Variants in ADARB1 observed in about 807,000 individuals in gnomAD.
ADARB1 encodes double-stranded RNA-specific editase 1.
Under a neutral mutation model 52.4 loss-of-function variants are expected in ADARB1, and 10 were observed. The observed-to-expected ratio is 0.19, with a 90% CI of 0.12 to 0.32. The LOEUF (loss-of-function observed/expected upper bound fraction) is 0.32. Ranked by LOEUF, ADARB1 falls within the 10% of genes least tolerant of loss-of-function variation. ADARB1 has a pLI of 1.00. For synonymous variants in ADARB1, 349 were observed against 371.1 expected, an observed-to-expected ratio of 0.94 and a Z score of 0.68; for missense variants, 643 against 922.3, an observed-to-expected ratio of 0.70 and a Z score of 3.92.
intron 1 of ADARB1, among the ~76,000 whole-genome samples, chr21:45,081,039 A>G (rs1202205258): frequency 1.3e-5 from 2 of 151,948 alleles, no homozygotes; most frequent in Admixed American, 1.3e-4. Context: ...TAGTTCAGCC[A>G]ATGCGATGAA....
chr21:45,095,505 A>G (rs371291463), intron 1 of ADARB1, among the ~76,000 whole-genome samples: 57 of 152,216 alleles, frequency 3.7e-4, no homozygotes, highest in African/African-American at 1.3e-3. Context: ...ATTGTCGTCC[A>G]CGTTTCCCGA....
intron 1 of ADARB1, among the ~76,000 whole-genome samples, chr21:45,099,538 C>A (rs898163160): frequency 1.3e-5 from 2 of 151,988 alleles, no homozygotes; most frequent in African/African-American, 4.8e-5. Flanking sequence ...TGTGGTGGCG[C>A]ACACCTGTGA....
At chr21:45,170,042 C>T (rs576377567) in intron 2 of ADARB1, among the ~76,000 whole-genome samples, 58 of 152,326 alleles carry the variant, frequency 3.8e-4, no homozygotes, top group African/African-American at 1.3e-3. Flanking sequence ...TTTATCGGTC[C>T]TTCCATAATG....
intron 2 of ADARB1, among the ~76,000 whole-genome samples, chr21:45,151,244 CTGAGG>C (rs1274717308): frequency 1.3e-5 from 2 of 152,192 alleles, no homozygotes; most frequent in African/African-American, 4.8e-5. Flanking sequence ...CAGATAGATG[CTGAGG>C]CAATAGAAAA....
rs928052253 is a variant in ADARB1, at chr21:45,204,262, T to C, written c.1566-293T>C. Reference sequence around the variant, plus strand: ...GGACCTGCTATAATTAAATATGTAATTTCCTTTCTGATATTTCCCACAGAT... The same window carrying C: ...GGACCTGCTATAATTAAATATGTAACTTCCTTTCTGATATTTCCCACAGAT... On this transcript the variant is annotated intron_variant, in intron 8 of 10. Transcript: ENST00000348831. The surrounding 1 kb of genome is among the most constrained non-coding windows in gnomAD (Gnocchi z 4.4). Among the ~76,000 whole-genome samples, 2 of 152,242 alleles carry C rather than the reference T, an allele frequency of 1.3e-5. No homozygotes were observed. Among genetic ancestry groups the C allele is most frequent in the African/African-American group, 2.4e-5 (1 of 41,464 alleles).
At chr21:45,212,080 T>C (rs2092780296) in intron 9 of ADARB1, among the ~76,000 whole-genome samples, 1 of 152,228 alleles carries the variant, frequency 6.6e-6, no homozygotes, top group Non-Finnish European at 1.5e-5. Flanking sequence ...CATTTAGTTT[T>C]AGTGAAAAAT....
intron 8 of ADARB1, among the ~76,000 whole-genome samples, chr21:45,190,753 T>G (rs2092259212): frequency 6.6e-6 from 1 of 152,200 alleles, no homozygotes; most frequent in Admixed American, 6.5e-5. Flanking sequence ...GGCACCAGTC[T>G]CATCACCGAG....
intron 1 of ADARB1, among the ~76,000 whole-genome samples, chr21:45,109,149 G>C (rs762941662): frequency 2.0e-5 from 3 of 151,298 alleles, no homozygotes; most frequent in African/African-American, 7.3e-5. Context: ...GTGTGTGTGC[G>C]CGCGTGTGCG....
chr21:45,136,422 A>G (rs948955720), intron 2 of ADARB1, among the ~76,000 whole-genome samples: 19 of 152,228 alleles, frequency 1.2e-4, no homozygotes, highest in Non-Finnish European at 2.5e-4. Context: ...TAGGGAAAAT[A>G]ACGTCAAGTG....
At position 45,222,177 on chromosome 21, in the gene ADARB1, C is replaced by G; in HGVS notation, c.2086C>G (p.Gln696Glu). Residue 696 changes from glutamine (Q) to glutamate (E), a missense_variant, in exon 11 of 11, where the codon CAG (glutamine) becomes GAG (glutamate). Gln to Glu is a conservative substitution (Grantham distance 29). Coordinates refer to ENST00000348831, the MANE Select transcript of ADARB1 (RefSeq NM_001112.4). ...AWVEKPTEQD[Q>E]FSLTP ...GGTGGAGAAGCCCACCGAGCAGGAC[C>G]AGTTCTCACTCACGCCCTGACCCGG... 6.3e-7 allele frequency: 1 copy of G among 1,593,690 alleles called. No homozygotes were observed. The highest frequency in any genetic ancestry group is 8.5e-7 in the Non-Finnish European group (1 of 1,171,388).
Position 45,220,688 on chromosome 21 carries a change from C to A in ADARB1, c.1748-148C>A. Reference sequence around the variant, plus strand: ...AGGCCACTGCCACGGCAGATGCACGCTCAAGTCTGCGTATATTCCTCGGCA... The same window carrying A: ...AGGCCACTGCCACGGCAGATGCACGATCAAGTCTGCGTATATTCCTCGGCA... On this transcript the variant is annotated intron_variant, in intron 9 of 10. Transcript: ENST00000348831. The surrounding 1 kb of genome is among the most constrained non-coding windows in gnomAD (Gnocchi z 6.3). 1.2e-6 allele frequency: 1 copy of A among 810,740 alleles called. No homozygotes were observed. Among genetic ancestry groups the A allele is most frequent in the Non-Finnish European group, 1.9e-6 (1 of 516,018 alleles). 50.2% of individuals were successfully genotyped at this position (810,740 alleles called of 1,614,324 possible). A position where few individuals can be genotyped will look rare whatever the true frequency, so the allele number is the denominator to read the frequency against.
intron 1 of ADARB1, among the ~76,000 whole-genome samples, chr21:45,076,686 C>CT (rs2085949797): frequency 6.6e-6 from 1 of 152,170 alleles, no homozygotes; most frequent in South Asian, 2.1e-4. Context: ...GGCTCAGAGG[C>CT]TAATTTCACT....
chr21:45,163,833 C>T (rs1008706563), intron 2 of ADARB1, among the ~76,000 whole-genome samples: 4 of 152,206 alleles, frequency 2.6e-5, no homozygotes, highest in African/African-American at 7.2e-5. Flanking sequence ...TGTGCTCTGC[C>T]ACGCTTGTCC....
In ADARB1 at chr21:45,223,745, A is replaced by C; in HGVS notation, c.*1548A>C. 1 of 985,262 alleles carries C rather than the reference A, an allele frequency of 1.0e-6. No homozygotes were observed. Among genetic ancestry groups the C allele is most frequent in the Non-Finnish European group, 1.2e-6 (1 of 829,912 alleles). 61.0% of individuals were successfully genotyped at this position (985,262 alleles called of 1,614,324 possible). On this transcript the variant is annotated 3_prime_UTR_variant, in exon 11 of 11. Transcript: ENST00000348831. ...CTCCCACCGGACGCTGGGAGCTCAG[A>C]CCCCAAAACTGAAACACCGTGGCTT...
intron 1 of ADARB1, among the ~76,000 whole-genome samples, chr21:45,105,940 TAGGCTTTTTG>T (rs2087234062): frequency 6.6e-6 from 1 of 152,246 alleles, no homozygotes; most frequent in African/African-American, 2.4e-5. Context: ...TTTGCTTTTT[TAGGCTTTTTG>T]CTAGTGATAG....
intron 2 of ADARB1, among the ~76,000 whole-genome samples, chr21:45,152,060 G>A (rs936726984): frequency 2.0e-5 from 3 of 152,220 alleles, no homozygotes; most frequent in African/African-American, 7.2e-5. Context: ...GTGGCCTGCA[G>A]TTTCCTGTCC....
intron 2 of ADARB1, among the ~76,000 whole-genome samples, chr21:45,161,053 G>A (rs1601683022): frequency 6.6e-6 from 1 of 152,346 alleles, no homozygotes; most frequent in East Asian, 1.9e-4. Flanking sequence ...GCTGTAGTCA[G>A]TACCATCTAG....
chr21:45,152,634 T>C (rs1483688625), intron 2 of ADARB1: 1 of 450,776 alleles, frequency 2.2e-6, no homozygotes, highest in Admixed American at 2.4e-5. Context: ...ACTGGGCCTT[T>C]GCACATGGGG....
At chr21:45,101,970 C>T (rs2087039086) in intron 1 of ADARB1, among the ~76,000 whole-genome samples, 1 of 152,232 alleles carries the variant, frequency 6.6e-6, no homozygotes, top group Non-Finnish European at 1.5e-5. Context: ...ACTGCAGCCT[C>T]AACTTCCAGG....
Sources: gnomAD v4.1 joint callset for allele counts (sites outside exome capture counted in the v4.1 genomes callset) on GRCh38, gnomAD v4.1.1 for gene constraint, Gnocchi (gnomAD v3.1) non-coding constraint, MANE v1.5 for transcripts, NCBI Gene and HGNC (gene_info 2026-07-23, HGNC 2026-07-21) for gene names.